CREB5: variants seen among roughly 807,000 people sequenced by gnomAD.
CREB5 encodes cyclic AMP-responsive element-binding protein 5.
CREB5 carries 19 observed loss-of-function variants against 57.1 expected under a neutral mutation model. The observed-to-expected ratio is 0.33, with a 90% CI of 0.23 to 0.49. CREB5 has a LOEUF of 0.49. CREB5 is among the 20% of genes least tolerant of loss of function. The pLI is 0.99. For synonymous variants in CREB5, 238 were observed against 238.3 expected (o/e 1.00, Z 0.01); for missense variants, 579 against 671.6 (o/e 0.86, Z 1.52).
Position 28,825,483 on chromosome 7 carries a change from TAAAAG to T in CREB5, c.*6209_*6213del, listed in dbSNP as rs1562671047. 6.6e-6 allele frequency: 1 copy of T among 152,548 alleles called. No individual in the cohort carries two copies. The highest frequency in any genetic ancestry group is 1.5e-5 in the Non-Finnish European group (1 of 67,992). The allele number at this position is 152,548 out of a possible 1,614,324, so 9.4% of individuals were successfully genotyped here. A position where few individuals can be genotyped will look rare whatever the true frequency, so the allele number is the denominator to read the frequency against. On this transcript the variant is annotated 3_prime_UTR_variant, in exon 11 of 11. Transcript: ENST00000357727. ...TATAAATATTGTCCAAAAATATAAT[TAAAAG>T]AAAAAAGTTTAGCACTGTGTAAAGT...
intron 1 of CREB5, among the ~76,000 whole-genome samples, chr7:28,423,647 T>C (rs1371455126): frequency 6.6e-6 from 1 of 151,662 alleles, no homozygotes. Context: ...TGGTGCTGAA[T>C]TGGGGGATGG....
chr7:28,800,613 GGAGAT>G (rs1808305858), intron 7 of CREB5, among the ~76,000 whole-genome samples: 1 of 152,194 alleles, frequency 6.6e-6, no homozygotes. Flanking sequence ...ATACAACAAG[GGAGAT>G]GAAGATGCTG....
intron 1 of CREB5, among the ~76,000 whole-genome samples, chr7:28,478,486 G>T (rs1433061238): frequency 2.0e-5 from 3 of 152,098 alleles, no homozygotes; most frequent in Non-Finnish European, 4.4e-5. Flanking sequence ...AGAGGCAAAA[G>T]TTTCCCTAAT....
At chr7:28,390,238 C>G (rs1787189870) in intron 1 of CREB5, among the ~76,000 whole-genome samples, 1 of 152,082 alleles carries the variant, frequency 6.6e-6, no homozygotes, top group Non-Finnish European at 1.5e-5. Flanking sequence ...GAACGGTGTT[C>G]ACGGAGATAA....
Position 28,332,507 on chromosome 7 carries a change from A to C in CREB5, c.-25+33066A>C, listed in dbSNP as rs79146507. 4.6e-4 allele frequency among the ~76,000 whole-genome samples: 70 copies of C among 152,136 alleles called. 1 individual carries two copies. Among genetic ancestry groups the C allele is most frequent in the East Asian group, 3.1e-3 (16 of 5,180 alleles). ...TGGTAGAAACAGTAAGTGGGAAGTG[A>C]CTCTAAGCTTGCTGCCTCCCCTGCT... On this transcript the variant is annotated intron_variant, in intron 1 of 9. Transcript: ENST00000396299.
chr7:28,324,393 G>A (rs1376656493), intron 1 of CREB5, among the ~76,000 whole-genome samples: 1 of 151,900 alleles, frequency 6.6e-6, no homozygotes, highest in Non-Finnish European at 1.5e-5. Flanking sequence ...TCATGTCAAG[G>A]CACCATTACC....
chr7:28,617,250 A>T (rs940449157), intron 5 of CREB5, among the ~76,000 whole-genome samples: 1 of 152,204 alleles, frequency 6.6e-6, no homozygotes, highest in African/African-American at 2.4e-5. Context: ...GATAATGTTG[A>T]TCTGAAATTG....
At chr7:28,767,301 C>G (rs1304491372) in intron 7 of CREB5, among the ~76,000 whole-genome samples, 2 of 152,100 alleles carry the variant, frequency 1.3e-5, no homozygotes. Context: ...GGCAGTGTGA[C>G]ACTGACAAAT....
intron 9 of CREB5, among the ~76,000 whole-genome samples, chr7:28,809,675 C>CTT (rs1808987829): frequency 6.6e-6 from 1 of 152,214 alleles, no homozygotes; most frequent in African/African-American, 2.4e-5. Context: ...GGAGAACAGG[C>CTT]TTTAATCCGA....
rs1810030981 is a variant in CREB5, at chr7:28,825,810, G to A, written c.*6531G>A. 1.3e-5 allele frequency: 2 copies of A among 152,592 alleles called. 1 individual carries two copies. The highest frequency in any genetic ancestry group is 4.1e-4 in the South Asian group (2 of 4,834). 9.5% of individuals were successfully genotyped at this position (152,592 alleles called of 1,614,324 possible). On this transcript the variant is annotated 3_prime_UTR_variant, in exon 11 of 11. Transcript: ENST00000357727. ...GGTCAGATTTTTACATCTCTTTCTAGCAAGAAGAGACAAGATTTTGTGCAT... is the reference window on the plus strand; with the variant it reads ...GGTCAGATTTTTACATCTCTTTCTAACAAGAAGAGACAAGATTTTGTGCAT...
In CREB5 at chr7:28,459,053, G is replaced by A. The variant is rs113245258; in HGVS notation, c.4-29122G>A. Among the ~76,000 whole-genome samples, 245 of 152,276 alleles carry A rather than the reference G, an allele frequency of 1.6e-3. 1 individual carries two copies. The highest frequency in any genetic ancestry group is 5.4e-3 in the African/African-American group (226 of 41,560). ...ACCCTGTCGCTTTCCCTGCCAAGAC[G>A]AACTGTAGCCGTCAGAGCCTCCATT... On this transcript the variant is annotated intron_variant, in intron 1 of 10. Coordinates refer to ENST00000357727, the MANE Select transcript of CREB5 (RefSeq NM_182898.4).
chr7:28,727,768 T>C (rs1421287781), intron 7 of CREB5, among the ~76,000 whole-genome samples: 1 of 152,180 alleles, frequency 6.6e-6, no homozygotes, highest in Non-Finnish European at 1.5e-5. Flanking sequence ...CTGATTAAAA[T>C]GATGGAGGGC....
chr7:28,416,702 G>A (rs1788040652), intron 1 of CREB5, among the ~76,000 whole-genome samples: 1 of 152,194 alleles, frequency 6.6e-6, no homozygotes, highest in Non-Finnish European at 1.5e-5. Flanking sequence ...CTGTGTCGAA[G>A]GTGACTGTCA....
In CREB5 at chr7:28,412,829, A is replaced by C; in HGVS notation, c.-86A>C. On this transcript the variant is annotated 5_prime_UTR_variant, in exon 1 of 11. Transcript: ENST00000357727. ...ATTTTCTTCCTAATCTTGCTGGTGAAACAGAAGTTACTAGAAAGAAAGGAA... is the reference window on the plus strand; with the variant it reads ...ATTTTCTTCCTAATCTTGCTGGTGACACAGAAGTTACTAGAAAGAAAGGAA... 7.9e-7 allele frequency: 1 copy of C among 1,263,460 alleles called. No individual in the cohort carries two copies. Among genetic ancestry groups the C allele is most frequent in the Non-Finnish European group, 1.1e-6 (1 of 934,406 alleles). 78.3% of individuals were successfully genotyped at this position (1,263,460 alleles called of 1,614,324 possible). A position where few individuals can be genotyped will look rare whatever the true frequency, so the allele number is the denominator to read the frequency against.
At chr7:28,796,207 C>T (rs1808033081) in intron 7 of CREB5, among the ~76,000 whole-genome samples, 1 of 152,130 alleles carries the variant, frequency 6.6e-6, no homozygotes, top group African/African-American at 2.4e-5. Flanking sequence ...CCTCAGCCTC[C>T]AGCAATAAGT....
chr7:28,505,891 G>A (rs1727578178), intron 3 of CREB5, among the ~76,000 whole-genome samples: 1 of 152,166 alleles, frequency 6.6e-6, no homozygotes, highest in African/African-American at 2.4e-5. Flanking sequence ...TAGGGACCTA[G>A]GTGTATATGT....
chr7:28,611,023 T>C (rs1797363717), intron 5 of CREB5, among the ~76,000 whole-genome samples: 1 of 151,876 alleles, frequency 6.6e-6, no homozygotes, highest in African/African-American at 2.4e-5. Flanking sequence ...TTGGTTGAGG[T>C]GAGACATTTA....
chr7:28,781,106 A>T (rs1003525141), intron 7 of CREB5, among the ~76,000 whole-genome samples: 1 of 152,194 alleles, frequency 6.6e-6, no homozygotes, highest in African/African-American at 2.4e-5. Flanking sequence ...GTTGTGACAT[A>T]TATTAGAGCC....
Position 28,638,264 on chromosome 7 carries a change from G to GACACACACACACACACAC in CREB5, c.464+67740_464+67757dup, listed in dbSNP as rs56956362. Among the ~76,000 whole-genome samples the GACACACACACACACACAC allele has an allele frequency of 2.1e-3, 299 of 145,784 alleles. 1 individual carries two copies. Among genetic ancestry groups the GACACACACACACACACAC allele is most frequent in the Non-Finnish European group, 2.9e-3 (193 of 66,682 alleles). ...ATTGCTATCTTAAAGAAAGAAACTA[G>GACACACACACACACACAC]ACACACACACACACACACACACACA... On this transcript the variant is annotated intron_variant, in intron 5 of 10. Coordinates refer to ENST00000357727, the MANE Select transcript of CREB5 (RefSeq NM_182898.4).
Sources: gnomAD v4.1 joint callset for allele counts (sites outside exome capture counted in the v4.1 genomes callset) on GRCh38, gnomAD v4.1.1 for gene constraint, MANE v1.5 for transcripts, NCBI Gene and HGNC (gene_info 2026-07-23, HGNC 2026-07-21) for gene names.